CCDC73: variants seen among roughly 807,000 people sequenced by gnomAD.
CCDC73 encodes coiled-coil domain-containing protein 73.
A neutral mutation model predicts 116.5 loss-of-function variants in CCDC73; 95 were observed. The ratio of observed to expected loss-of-function variants is 0.82; its 90% CI spans 0.69 to 0.97. The LOEUF (loss-of-function observed/expected upper bound fraction) is 0.97. Ranked by LOEUF, CCDC73 falls within the 50% of genes least tolerant of loss-of-function variation. CCDC73 has a pLI of 0.00. For missense variants in CCDC73, 1,066 were observed against 1,206.8 expected (o/e 0.88, Z 1.73); for synonymous variants, 398 against 401.3 (o/e 0.99, Z 0.10).
At chr11:32,663,356 A>C (rs1261318235) in intron 9 of CCDC73, among the ~76,000 whole-genome samples, 1 of 151,962 alleles carries the variant, frequency 6.6e-6, no homozygotes, top group Non-Finnish European at 1.5e-5. Flanking sequence ...CTTTTATTTC[A>C]TTGAGCAGTG....
At chr11:32,671,909 C>T (rs533002885) in intron 9 of CCDC73, among the ~76,000 whole-genome samples, 1 of 152,182 alleles carries the variant, frequency 6.6e-6, no homozygotes, top group Non-Finnish European at 1.5e-5. Flanking sequence ...GAGAAAGAGG[C>T]TAGTGTTCTC....
At chr11:32,754,636 A>G (rs1290699422) in intron 2 of CCDC73, among the ~76,000 whole-genome samples, 5 of 152,170 alleles carry the variant, frequency 3.3e-5, no homozygotes, top group Non-Finnish European at 7.3e-5. Context: ...TGGATTACCT[A>G]GAGGAAAAAT....
In CCDC73 at chr11:32,602,754, A is replaced by C; in HGVS notation, c.*57T>G. 1 of 1,270,620 alleles carries C rather than the reference A, an allele frequency of 7.9e-7. No homozygotes were observed. Among genetic ancestry groups the C allele is most frequent in the East Asian group, 2.5e-5 (1 of 39,776 alleles). 78.7% of individuals were successfully genotyped at this position (1,270,620 alleles called of 1,614,324 possible). On this transcript the variant is annotated 3_prime_UTR_variant, in exon 18 of 18. Transcript: ENST00000335185. ...AATACAACAGTCATTTTATTCTAGT[A>C]AAAACTATACCAGAATTTCAGTTAC...
chr11:32,607,704 A>T (rs1030503991), intron 17 of CCDC73, among the ~76,000 whole-genome samples: 20 of 152,160 alleles, frequency 1.3e-4, no homozygotes, highest in Admixed American at 9.8e-4. Context: ...AATGATACAC[A>T]CATACACCAA....
At chr11:32,687,695 A>C (rs935187054) in intron 6 of CCDC73, among the ~76,000 whole-genome samples, 3 of 152,144 alleles carry the variant, frequency 2.0e-5, no homozygotes, top group Non-Finnish European at 4.4e-5. Context: ...TATATTTCCT[A>C]GCTCTGTCGA....
chr11:32,732,049 T>C (rs764961222), intron 2 of CCDC73, among the ~76,000 whole-genome samples: 6 of 152,000 alleles, frequency 3.9e-5, no homozygotes, highest in Non-Finnish European at 8.8e-5. Flanking sequence ...CTAACTACAA[T>C]AGACAGCACA....
At chr11:32,824,132 T>C in the CCDC73 span, among the ~76,000 whole-genome samples, 4 of 152,160 alleles carry the variant, frequency 2.6e-5, no homozygotes, top group African/African-American at 9.7e-5. Flanking sequence ...TGACCTCAAG[T>C]AATCTGCCTG....
At chr11:32,607,719 A>G (rs1461124378) in intron 17 of CCDC73, among the ~76,000 whole-genome samples, 1 of 152,184 alleles carries the variant, frequency 6.6e-6, no homozygotes, top group Non-Finnish European at 1.5e-5. Flanking sequence ...CACCAAGTGG[A>G]AACTATACTG....
intron 1 of CCDC73, among the ~76,000 whole-genome samples, chr11:32,784,710 AC>A (rs1269574535): frequency 6.6e-6 from 1 of 152,212 alleles, no homozygotes; most frequent in African/African-American, 2.4e-5. Flanking sequence ...CTTTTTCTGA[AC>A]AAACTTTATT....
At chr11:32,658,376 C>T (rs1056444804) in intron 9 of CCDC73, among the ~76,000 whole-genome samples, 3 of 152,084 alleles carry the variant, frequency 2.0e-5, no homozygotes, top group African/African-American at 7.2e-5. Context: ...TAGAGGAAAA[C>T]AAAACCAAAA....
At chr11:32,778,609 C>T (rs1394509395) in intron 1 of CCDC73, among the ~76,000 whole-genome samples, 2 of 151,998 alleles carry the variant, frequency 1.3e-5, no homozygotes, top group African/African-American at 2.4e-5. Context: ...GTCAGGAGTT[C>T]GTGACCAGCC....
rs1356898378 is a variant in CCDC73, at chr11:32,755,879, CTG to C, written c.135+4228_135+4229del. 6.5e-5 allele frequency among the ~76,000 whole-genome samples: 7 copies of C among 106,924 alleles called. 1 individual carries two copies. Among genetic ancestry groups the C allele is most frequent in the Non-Finnish European group, 3.6e-5 (2 of 55,810 alleles). 70.1% of individuals were successfully genotyped at this position (106,924 alleles called of 152,430 possible). A position where few individuals can be genotyped will look rare whatever the true frequency, so the allele number is the denominator to read the frequency against. ...TGTGTATATATCTCCATATATATAT[CTG>C]TGTATATATCTCCATATATATCTAT... is the stretch of plus-strand genomic sequence containing the variant. On this transcript the variant is annotated intron_variant, in intron 2 of 17. Transcript: ENST00000335185.
At chr11:32,811,658 C>T in the CCDC73 span, among the ~76,000 whole-genome samples, 2 of 151,982 alleles carry the variant, frequency 1.3e-5, no homozygotes, top group African/African-American at 4.8e-5. Context: ...AGGGGGGAGC[C>T]GGCATATCAT....
rs1351242929 is a variant in CCDC73 at position 32,676,018 on chromosome 11, G to T, written c.433C>A (p.Gln145Lys). ...SLQKKVSEME[Q>K]KVQLHLLAKE... ...GCCAGAAGATGTAACTGGACCTTTTGTTCCTATTTTGAAGAGTAATTTTAA... is the reference window on the plus strand; with the variant it reads ...GCCAGAAGATGTAACTGGACCTTTTTTTCCTATTTTGAAGAGTAATTTTAA... The change falls in exon 8 of 18, where the codon CAA becomes AAA. Residue 145 changes from glutamine to lysine, a missense_variant. Transcript: ENST00000335185. 3.2e-6 allele frequency: 5 copies of T among 1,586,558 alleles called. No homozygotes were observed. The highest frequency in any genetic ancestry group is 1.4e-5 in the African/African-American group (1 of 73,496).
chr11:32,813,216 G>C, the CCDC73 span, among the ~76,000 whole-genome samples: 1 of 151,936 alleles, frequency 6.6e-6, no homozygotes, highest in Non-Finnish European at 1.5e-5. Context: ...ATTTTTCATT[G>C]AGGATGTGTT....
chr11:32,642,031 C>T lies in CCDC73; in HGVS notation c.991G>A (p.Glu331Lys). 1 of 1,566,102 alleles carries T rather than the reference C, an allele frequency of 6.4e-7. No individual in the cohort carries two copies. Among genetic ancestry groups the T allele is most frequent in the Non-Finnish European group, 8.7e-7 (1 of 1,154,574 alleles). The change falls in exon 13 of 18, where the codon GAA becomes AAA. Residue 331 changes from glutamate to lysine, a missense_variant. Glu to Lys is a moderately conservative substitution (Grantham distance 56, BLOSUM62 1). Transcript: ENST00000335185. Reference protein sequence around the residue: ...LQREKVKENEEKFLNLQNEHE... With the variant: ...LQREKVKENEKKFLNLQNEHE... The stretch of plus-strand genomic sequence containing the variant: ...TCATTTTGAAGATTAAGAAACTTTT[C>T]TTCATTTTCTTTTACCTTCTCCCTT...
In CCDC73 at chr11:32,613,516, C is replaced by G; in HGVS notation, c.2802G>C (p.Glu934Asp). 6.2e-7 allele frequency: 1 copy of G among 1,614,072 alleles called. No homozygotes were observed. The highest frequency in any genetic ancestry group is 8.5e-7 in the Non-Finnish European group (1 of 1,179,980). The change falls in exon 16 of 18, where the codon GAG (glutamate) becomes GAC (aspartate). Residue 934 changes from glutamate (E) to aspartate (D), a missense_variant. Physicochemically the swap from Glu to Asp is conservative, Grantham distance 45. Coordinates refer to ENST00000335185, the MANE Select transcript of CCDC73 (RefSeq NM_001008391.4). Reference protein sequence around the residue: ...STPCISLLLKERPLDPSENKK... With the variant: ...STPCISLLLKDRPLDPSENKK... ...TGTTTTCTGATGGATCTAGTGGTCT[C>G]TCCTTCAGCAACAAAGAAATGCAAG...
At chr11:32,648,567 T>A (rs1429726645) in intron 12 of CCDC73, among the ~76,000 whole-genome samples, 1 of 152,160 alleles carries the variant, frequency 6.6e-6, no homozygotes, top group Non-Finnish European at 1.5e-5. Flanking sequence ...TTTTTTTTTT[T>A]TGAGACGGAG....
intron 1 of CCDC73, among the ~76,000 whole-genome samples, chr11:32,782,441 A>C (rs1347521568): frequency 6.6e-6 from 1 of 152,170 alleles, no homozygotes; most frequent in Non-Finnish European, 1.5e-5. Flanking sequence ...TTCCTCACAA[A>C]ATGTTCTAGT....
Sources: allele counts gnomAD v4.1 joint callset (sites outside exome capture counted in the v4.1 genomes callset), GRCh38; gene constraint gnomAD v4.1.1; transcripts MANE v1.5; gene names NCBI Gene and HGNC (gene_info 2026-07-23, HGNC 2026-07-21).